CAST: variants seen among roughly 807,000 people sequenced by gnomAD.
CAST encodes calpastatin.
In CAST, 76 loss-of-function variants were observed where a neutral mutation model predicts 119.6. The ratio of observed to expected loss-of-function variants is 0.64; its 90% CI spans 0.53 to 0.77. CAST has a LOEUF of 0.77. CAST is among the 30% of genes least tolerant of loss of function. The pLI, the probability that CAST is intolerant of heterozygous loss-of-function variation, is 0.00. For missense variants in CAST, 953 were observed against 946.5 expected, an observed-to-expected ratio of 1.01 and a Z score of -0.09; for synonymous variants, 319 against 331.6, an observed-to-expected ratio of 0.96 and a Z score of 0.41.
chr5:95,985,869 T>C, the CAST span, among the ~76,000 whole-genome samples: 1 of 152,192 alleles, frequency 6.6e-6, no homozygotes. Context: ...AATTCAAATC[T>C]GGAGATATTT....
intron 1 of CAST, among the ~76,000 whole-genome samples, chr5:96,592,200 C>T (rs1746973916): frequency 6.6e-6 from 1 of 151,904 alleles, no homozygotes; most frequent in Admixed American, 6.6e-5. Context: ...GGTTCGAGAC[C>T]AGCCTGGCCT....
intron 1 of CAST, among the ~76,000 whole-genome samples, chr5:96,572,623 T>C (rs1746591654): frequency 6.6e-6 from 1 of 152,214 alleles, no homozygotes; most frequent in African/African-American, 2.4e-5. Context: ...AATGACGCTT[T>C]AGTGTTGGAC....
chr5:96,226,653 C>A, the CAST span, among the ~76,000 whole-genome samples: 1 of 151,638 alleles, frequency 6.6e-6, no homozygotes, highest in African/African-American at 2.4e-5. Context: ...TGAGACCCTG[C>A]CTCAAAAAAA....
At chr5:96,537,861 AG>A (rs1234122580) in intron 1 of CAST, among the ~76,000 whole-genome samples, 3 of 152,182 alleles carry the variant, frequency 2.0e-5, no homozygotes, top group Middle Eastern at 3.4e-3. Context: ...AATGTTTTTG[AG>A]GGGGGGAGCA....
the CAST span, among the ~76,000 whole-genome samples, chr5:96,344,410 T>C: frequency 6.6e-6 from 1 of 152,176 alleles, no homozygotes; most frequent in Non-Finnish European, 1.5e-5. Flanking sequence ...GGTAATCTCA[T>C]TACCTCTCCA....
At chr5:96,354,740 T>G in the CAST span, among the ~76,000 whole-genome samples, 2 of 149,168 alleles carry the variant, frequency 1.3e-5, no homozygotes, top group South Asian at 2.1e-4. Context: ...GTTATGCATA[T>G]TATTAATTTT....
the CAST span, among the ~76,000 whole-genome samples, chr5:95,996,745 A>C: frequency 5.3e-5 from 8 of 152,308 alleles, no homozygotes; most frequent in Non-Finnish European, 7.4e-5. Context: ...ATTCTGATTC[A>C]TTTGAGATAG....
At chr5:96,160,297 C>G in the CAST span, among the ~76,000 whole-genome samples, 2 of 152,016 alleles carry the variant, frequency 1.3e-5, no homozygotes, top group African/African-American at 4.8e-5. Context: ...CTGGTAGCCA[C>G]CAGATTACCT....
the CAST span, among the ~76,000 whole-genome samples, chr5:96,109,168 C>T: frequency 6.6e-6 from 1 of 152,232 alleles, no homozygotes; most frequent in African/African-American, 2.4e-5. Flanking sequence ...GATGGAAATG[C>T]AGAAATCACC....
the CAST span, among the ~76,000 whole-genome samples, chr5:96,411,428 A>G: frequency 1.3e-5 from 2 of 152,258 alleles, no homozygotes; most frequent in Non-Finnish European, 1.5e-5. Context: ...GGACTCTTCA[A>G]TTGAATGGAA....
At chr5:96,547,285 T>C (rs555243608) in intron 1 of CAST, among the ~76,000 whole-genome samples, 65 of 152,246 alleles carry the variant, frequency 4.3e-4, no homozygotes, top group Middle Eastern at 3.4e-3. Context: ...CAATTCAATA[T>C]AAATCTGAAA....
At chr5:96,765,944 T>G in intron 26 of CAST, 109 bp from the exon 27 acceptor site, 2 of 670,478 alleles carry the variant, frequency 3.0e-6, no homozygotes, top group Non-Finnish European at 5.4e-6. Context: ...ACAGACCATA[T>G]GTTTTGCCTC....
the CAST span, among the ~76,000 whole-genome samples, chr5:96,474,806 C>T: frequency 5.3e-5 from 8 of 151,964 alleles, no homozygotes; most frequent in South Asian, 6.2e-4. Flanking sequence ...TATGAGATAC[C>T]GTCTTGGATA....
the CAST span, among the ~76,000 whole-genome samples, chr5:96,008,782 TACAG>T: frequency 1.3e-5 from 2 of 152,214 alleles, no homozygotes; most frequent in Admixed American, 1.3e-4. Flanking sequence ...AATGCTGAGA[TACAG>T]AGAGAGCAGA....
At chr5:96,226,481 T>C in the CAST span, among the ~76,000 whole-genome samples, 1 of 151,828 alleles carries the variant, frequency 6.6e-6, no homozygotes, top group African/African-American at 2.4e-5. Context: ...CAAAACCCTG[T>C]CTCTATAAAA....
At chr5:96,398,763 G>A in the CAST span, 3 of 881,822 alleles carry the variant, frequency 3.4e-6, no homozygotes, top group East Asian at 7.5e-5. Flanking sequence ...TGTTTTTTAA[G>A]ACCTGAAAAT....
At chr5:96,082,033 C>G in the CAST span, among the ~76,000 whole-genome samples, 1 of 152,160 alleles carries the variant, frequency 6.6e-6, no homozygotes, top group Non-Finnish European at 1.5e-5. Flanking sequence ...CCTGCCTCAG[C>G]CTCCCAAGTA....
the CAST span, among the ~76,000 whole-genome samples, chr5:96,143,704 G>A: frequency 1.3e-5 from 2 of 152,144 alleles, no homozygotes; most frequent in Non-Finnish European, 2.9e-5. Context: ...TTTTCCATCT[G>A]TGAATGAGGA....
chr5:96,150,276 G>A, the CAST span, among the ~76,000 whole-genome samples: 1 of 152,330 alleles, frequency 6.6e-6, no homozygotes, highest in East Asian at 1.9e-4. Flanking sequence ...GGTGGAAAAG[G>A]TACTGGTTCT....
Sources: allele counts gnomAD v4.1 joint callset (sites outside exome capture counted in the v4.1 genomes callset), GRCh38; gene constraint gnomAD v4.1.1; transcripts MANE v1.5; gene names NCBI Gene and HGNC (gene_info 2026-07-23, HGNC 2026-07-21).